The following NCKAP1 variants were observed in gnomAD, a reference collection of about 807,000 sequenced individuals.
NCKAP1 encodes NCK associated protein 1.
NCKAP1 carries 21 observed loss-of-function variants against 151.2 expected under a neutral mutation model. That is an observed-to-expected ratio of 0.14 (90% CI 0.10 to 0.20). The LOEUF (loss-of-function observed/expected upper bound fraction) is 0.20. NCKAP1 is among the 10% of genes least tolerant of loss of function. The pLI, the probability that NCKAP1 is intolerant of heterozygous loss-of-function variation, is 1.00. For missense variants in NCKAP1, 933 were observed against 1,352.1 expected, an observed-to-expected ratio of 0.69 and a Z score of 4.86; for synonymous variants, 484 against 451.8, an observed-to-expected ratio of 1.07 and a Z score of -0.90.
intron 26 of NCKAP1, among the ~76,000 whole-genome samples, chr2:182,934,108 G>A (rs554101309): frequency 6.6e-6 from 1 of 151,874 alleles, no homozygotes; most frequent in East Asian, 1.9e-4. Context: ...GAATTTCATT[G>A]TATTTAAAAC....
chr2:183,025,506 G>A (rs1224862563), intron 1 of NCKAP1, among the ~76,000 whole-genome samples: 1 of 152,024 alleles, frequency 6.6e-6, no homozygotes, highest in Non-Finnish European at 1.5e-5. Context: ...AATGGAAATA[G>A]GAATGCAGTA....
intron 1 of NCKAP1, among the ~76,000 whole-genome samples, chr2:183,030,217 A>G (rs1192702425): frequency 6.6e-6 from 1 of 152,194 alleles, no homozygotes; most frequent in Non-Finnish European, 1.5e-5. Context: ...TTGAGACAGC[A>G]TCTTGCTATA....
chr2:182,985,595 A>G (rs1387475974), intron 10 of NCKAP1, among the ~76,000 whole-genome samples: 1 of 152,060 alleles, frequency 6.6e-6, no homozygotes, highest in Non-Finnish European at 1.5e-5. Context: ...TGAGGTCAGG[A>G]GTTCAAGACC....
chr2:182,958,763 T>G (rs1697377619), intron 18 of NCKAP1, among the ~76,000 whole-genome samples: 1 of 152,146 alleles, frequency 6.6e-6, no homozygotes, highest in South Asian at 2.1e-4. Flanking sequence ...TTGATTTCAC[T>G]TGACAGGTAA....
rs1698955726 is a variant in NCKAP1 at position 183,029,073 on chromosome 2, C to T, written c.109-5157G>A. ...CGCAGGTTGCAGTGAGCCAAGATCG[C>T]GCCACTGCACTCCAGCCTGGGCAAC... On this transcript the variant is annotated intron_variant, in intron 1 of 30. Transcript: ENST00000361354. Among the ~76,000 whole-genome samples the T allele has an allele frequency of 6.6e-5, 10 of 151,830 alleles. No homozygotes were observed. In the South Asian group the frequency reaches 1.7e-3, roughly 25 times the overall value.
Position 182,916,928 on chromosome 2 carries a change from C to A in NCKAP1, c.*8774G>T, listed in dbSNP as rs1696477130. 6.6e-6 allele frequency: 1 copy of A among 152,026 alleles called. No individual in the cohort carries two copies. The allele number at this position is 152,026 out of a possible 1,614,324, so 9.4% of individuals were successfully genotyped here. On this transcript the variant is annotated 3_prime_UTR_variant, in exon 31 of 31. Transcript: ENST00000361354. ...CAGAGCTATAGAATAGACTAACACA[C>A]AAATGTTACATTTGCATGAGTGGAA...
chr2:183,009,421 GGGAAGGAA>G (rs1168445882), intron 2 of NCKAP1, among the ~76,000 whole-genome samples: 858 of 82,550 alleles, frequency 0.01, 8 homozygotes, highest in African/African-American at 0.024. Context: ...AAAGAGGGAA[GGGAAGGAA>G]GGAAGGAAGG....
chr2:183,012,362 G>C (rs1370589079), intron 2 of NCKAP1, among the ~76,000 whole-genome samples: 1 of 152,182 alleles, frequency 6.6e-6, no homozygotes, highest in Non-Finnish European at 1.5e-5. Context: ...TACTGACAGA[G>C]GGCATGACAG....
chr2:183,017,176 G>A (rs1183732959), intron 2 of NCKAP1, among the ~76,000 whole-genome samples: 1 of 152,128 alleles, frequency 6.6e-6, no homozygotes, highest in Non-Finnish European at 1.5e-5. Flanking sequence ...TAGCACCAGG[G>A]ACCAGTTTCA....
chr2:183,037,222 T>A (rs1451411850), intron 1 of NCKAP1, among the ~76,000 whole-genome samples: 2 of 152,204 alleles, frequency 1.3e-5, no homozygotes, highest in East Asian at 3.8e-4. Flanking sequence ...CAGCAGCAAT[T>A]GCAACATTTT....
intron 2 of NCKAP1, among the ~76,000 whole-genome samples, chr2:183,009,334 C>T (rs1698541471): frequency 7.4e-6 from 1 of 135,628 alleles, no homozygotes; most frequent in Admixed American, 7.9e-5. Flanking sequence ...AAGATTGTGC[C>T]ATTGTACTCC....
intron 10 of NCKAP1, among the ~76,000 whole-genome samples, chr2:182,984,986 C>A (rs1017299979): frequency 3.9e-5 from 6 of 152,194 alleles, no homozygotes; most frequent in African/African-American, 1.2e-4. Context: ...ATAGTAGCGT[C>A]TATCCCACGA....
At chr2:183,017,296 T>C (rs1698711400) in intron 2 of NCKAP1, among the ~76,000 whole-genome samples, 1 of 152,204 alleles carries the variant, frequency 6.6e-6, no homozygotes, top group Non-Finnish European at 1.5e-5. Context: ...CATTATAATA[T>C]GTAATGAAAT....
chr2:182,986,903 A>G (rs1182968150), intron 9 of NCKAP1, among the ~76,000 whole-genome samples: 1 of 152,204 alleles, frequency 6.6e-6, no homozygotes, highest in Non-Finnish European at 1.5e-5. Flanking sequence ...CAAAATTCCT[A>G]AAATGTTAAA....
intron 1 of NCKAP1, chr2:183,024,921 T>G: frequency 6.3e-7 from 1 of 1,592,168 alleles, no homozygotes; most frequent in Non-Finnish European, 8.6e-7. Flanking sequence ...TTATGAAACA[T>G]GAAACTGATC....
chr2:183,003,155 T>C, intron 3 of NCKAP1, 78 bp downstream of exon 3: 1 of 1,239,366 alleles, frequency 8.1e-7, no homozygotes, highest in Admixed American at 2.3e-5. Context: ...TATTTACAAC[T>C]GACACAGCAA....
intron 4 of NCKAP1, 145 bp from the exon 5 acceptor site, chr2:183,002,414 A>C (rs926227763): frequency 1.9e-5 from 11 of 592,606 alleles, no homozygotes; most frequent in Non-Finnish European, 2.7e-5. Flanking sequence ...CTTTCACTAA[A>C]AGCACATCTA....
At chr2:183,002,921 T>A in intron 4 of NCKAP1, 53 bp downstream of exon 4, 1 of 1,375,380 alleles carries the variant, frequency 7.3e-7, no homozygotes, top group Non-Finnish European at 1.0e-6. Context: ...AGTGGTCCCC[T>A]GAGCTCTTCT....
chr2:182,928,181 A>G lies in NCKAP1; in HGVS notation c.3116T>C (p.Ile1039Thr). Residue 1039 changes from isoleucine (I) to threonine (T), a missense_variant, in exon 29 of 31, where the codon ATT becomes ACT. Physicochemically the swap from Ile to Thr is moderately conservative, Grantham distance 89. This residue lies in a region of NCKAP1 where 326 missense variants were observed against 557.1 expected (regional missense o/e 0.59). Coordinates refer to ENST00000361354, the MANE Select transcript of NCKAP1 (RefSeq NM_013436.5). ...GTGAATTGTAAACAAAGCTGCAGCA[A>G]TCTGGTTGATGGCTTTGGCCAAGCA... ...IHCLAKAINQ[I>T]AAALFTIHKG... 1.2e-6 allele frequency: 2 copies of G among 1,613,082 alleles called. No individual in the cohort carries two copies. The highest frequency in any genetic ancestry group is 1.7e-6 in the Non-Finnish European group (2 of 1,179,342).
Sources: allele counts gnomAD v4.1 joint callset (sites outside exome capture counted in the v4.1 genomes callset), GRCh38; gene constraint gnomAD v4.1.1; regional missense constraint gnomAD v4.1.1; transcripts MANE v1.5; gene names NCBI Gene and HGNC (gene_info 2026-07-23, HGNC 2026-07-21).